SRRM4: variants seen among roughly 807,000 people sequenced by gnomAD.
SRRM4 encodes the protein serine/arginine repetitive matrix protein 4.
SRRM4 carries 33 observed loss-of-function variants against 68.9 expected under a neutral mutation model. The ratio of observed to expected loss-of-function variants is 0.48; its 90% CI spans 0.36 to 0.64. The LOEUF (loss-of-function observed/expected upper bound fraction) is 0.64, where lower values mean the gene tolerates loss of function less well. Among genes scored for constraint, SRRM4 ranks in the 30% least tolerant of loss-of-function variants. The pLI is 0.00. For missense variants in SRRM4, 817 were observed against 827.1 expected (o/e 0.99, Z 0.15); for synonymous variants, 318 against 318.8 (o/e 1.00, Z 0.03).
At chr12:118,984,907 T>C (rs1250325652) in intron 1 of SRRM4, among the ~76,000 whole-genome samples, 4 of 152,216 alleles carry the variant, frequency 2.6e-5, no homozygotes, top group Admixed American at 2.6e-4. Context: ...CTGTGTATCC[T>C]GAACAAATAG....
chr12:118,990,643 C>A (rs2135989100), intron 1 of SRRM4, among the ~76,000 whole-genome samples: 1 of 152,254 alleles, frequency 6.6e-6, no homozygotes, highest in African/African-American at 2.4e-5. Context: ...TAGTAACTGC[C>A]ATTGTTATAA....
chr12:119,016,539 A>G (rs1953482838), intron 1 of SRRM4, among the ~76,000 whole-genome samples: 1 of 152,144 alleles, frequency 6.6e-6, no homozygotes, highest in African/African-American at 2.4e-5. Flanking sequence ...TATGAAAACC[A>G]TATAACATAG....
chr12:119,154,937 G>A lies in SRRM4; in HGVS notation c.1532+554G>A, dbSNP rs567867799. 2.6e-5 allele frequency among the ~76,000 whole-genome samples: 4 copies of A among 152,274 alleles called. No homozygotes were observed. Among genetic ancestry groups the A allele is most frequent in the South Asian group, 2.1e-4 (1 of 4,828 alleles). ...TAGAGGGAGCCACGGTGGATAAGCCGGAGAGCACTGGATGTGGATTGGAAT... is the reference window on the plus strand; with the variant it reads ...TAGAGGGAGCCACGGTGGATAAGCCAGAGAGCACTGGATGTGGATTGGAAT... On this transcript the variant is annotated intron_variant, in intron 12 of 12. Transcript: ENST00000267260. This position sits in a 1 kb window ranked among gnomAD's most constrained non-coding sequence, Gnocchi z 4.7.
rs141211160 is a variant in SRRM4 at position 119,006,823 on chromosome 12, A to G, written c.131+24810A>G. Reference sequence around the variant, plus strand: ...GCAGCTTCTATTGCCTGAAATGCCAATGCTCCTGCTGGAGATGGGCATGGT... The same window carrying G: ...GCAGCTTCTATTGCCTGAAATGCCAGTGCTCCTGCTGGAGATGGGCATGGT... On this transcript the variant is annotated intron_variant, in intron 1 of 12. Transcript: ENST00000267260. Among the ~76,000 whole-genome samples, 39 of 152,336 alleles carry G rather than the reference A, an allele frequency of 2.6e-4. No individual in the cohort carries two copies. The East Asian group carries it at 6.4e-3, about 25-fold the overall frequency.
intron 4 of SRRM4, among the ~76,000 whole-genome samples, chr12:119,119,462 A>C (rs1954203977): frequency 6.6e-6 from 1 of 151,534 alleles, no homozygotes; most frequent in African/African-American, 2.4e-5. Context: ...GGGAGTAGAC[A>C]GGAGGCATCC....
At chr12:119,085,990 A>T (rs1953977603) in intron 1 of SRRM4, among the ~76,000 whole-genome samples, 1 of 152,168 alleles carries the variant, frequency 6.6e-6, no homozygotes, top group Non-Finnish European at 1.5e-5. Context: ...TGGGACTTTC[A>T]TGTGGAGAGG....
At chr12:119,133,470 T>G (rs546659126) in intron 8 of SRRM4, among the ~76,000 whole-genome samples, 1 of 152,302 alleles carries the variant, frequency 6.6e-6, no homozygotes, top group East Asian at 1.9e-4. Flanking sequence ...CCAATTTCTT[T>G]CTATCCTAAA....
chr12:119,122,617 T>C (rs1277627049), intron 6 of SRRM4, among the ~76,000 whole-genome samples: 2 of 152,214 alleles, frequency 1.3e-5, no homozygotes, highest in African/African-American at 4.8e-5. Flanking sequence ...GAACATTGTG[T>C]GGTCTATATT....
chr12:118,999,766 T>A (rs1264704677), intron 1 of SRRM4, among the ~76,000 whole-genome samples: 2 of 152,186 alleles, frequency 1.3e-5, no homozygotes, highest in Non-Finnish European at 2.9e-5. Flanking sequence ...CCCAGTCCCA[T>A]CTGATTCCAG....
At chr12:119,146,943 A>G (rs1357947412) in intron 9 of SRRM4, among the ~76,000 whole-genome samples, 1 of 152,172 alleles carries the variant, frequency 6.6e-6, no homozygotes, top group East Asian at 1.9e-4. Context: ...CTCAAAAAAA[A>G]AAAAGAACAT....
At chr12:119,007,178 G>C (rs1021418551) in intron 1 of SRRM4, among the ~76,000 whole-genome samples, 2 of 152,208 alleles carry the variant, frequency 1.3e-5, no homozygotes, top group African/African-American at 2.4e-5. Flanking sequence ...ACCATCCATT[G>C]CACATGGAGT....
At chr12:119,119,050 A>AT (rs34814921) in intron 4 of SRRM4, among the ~76,000 whole-genome samples, 57,709 of 135,640 alleles carry the variant, frequency 0.43, 12,482 homozygotes, top group Middle Eastern at 0.52. Flanking sequence ...AAGCACTGAG[A>AT]TTTTTTTTTT....
At chr12:118,983,038 A>T (rs376560136) in intron 1 of SRRM4, among the ~76,000 whole-genome samples, 1 of 152,186 alleles carries the variant, frequency 6.6e-6, no homozygotes, top group African/African-American at 2.4e-5. Context: ...CAGGGGGACC[A>T]CTTGGAGGAT....
intron 1 of SRRM4, among the ~76,000 whole-genome samples, chr12:119,082,524 C>T (rs1953955245): frequency 6.6e-6 from 1 of 152,216 alleles, no homozygotes; most frequent in African/African-American, 2.4e-5. Context: ...TATTTTCTTC[C>T]TCAGACTGTT....
intron 1 of SRRM4, among the ~76,000 whole-genome samples, chr12:119,032,874 T>A (rs1038602783): frequency 1.3e-5 from 2 of 152,184 alleles, no homozygotes; most frequent in Admixed American, 1.3e-4. Flanking sequence ...TATGTTTCCC[T>A]GCAAATTGTC....
Position 118,981,758 on chromosome 12 carries a change from TCCCAC to T in SRRM4, c.-116_-112del. On this transcript the variant is annotated 5_prime_UTR_variant, in exon 1 of 13. Transcript: ENST00000267260. Reference sequence around the variant, plus strand: ...ATCCCCCGCCCTGAACTCCGATCTCTCCCACCCCACCCCTCTCTGGGTTTCACCCG... The same window carrying T: ...ATCCCCCGCCCTGAACTCCGATCTCTCCCACCCCTCTCTGGGTTTCACCCG... 1.9e-6 allele frequency: 2 copies of T among 1,038,996 alleles called. No individual in the cohort carries two copies. Among genetic ancestry groups the T allele is most frequent in the Non-Finnish European group, 2.7e-6 (2 of 738,980 alleles). The allele number at this position is 1,038,996 out of a possible 1,614,324, so 64.4% of individuals were successfully genotyped here. A position where few individuals can be genotyped will look rare whatever the true frequency, so the allele number is the denominator to read the frequency against.
At chr12:119,030,207 A>G (rs1234869092) in intron 1 of SRRM4, among the ~76,000 whole-genome samples, 1 of 152,240 alleles carries the variant, frequency 6.6e-6, no homozygotes, top group Non-Finnish European at 1.5e-5. Context: ...AATGTCAGGA[A>G]CCAAGGGATT....
intron 1 of SRRM4, among the ~76,000 whole-genome samples, chr12:118,998,466 T>A (rs980199130): frequency 3.9e-5 from 6 of 152,134 alleles, no homozygotes; most frequent in African/African-American, 1.4e-4. Context: ...GCATACTATG[T>A]ATTTATCTTT....
chr12:119,119,910 C>T (rs913826395), intron 4 of SRRM4, among the ~76,000 whole-genome samples: 5 of 152,022 alleles, frequency 3.3e-5, no homozygotes, highest in East Asian at 1.9e-4. Context: ...ATTGGAGCAC[C>T]GGTAGGCTTT....
Sources: gnomAD v4.1 joint callset for allele counts (sites outside exome capture counted in the v4.1 genomes callset) on GRCh38, gnomAD v4.1.1 for gene constraint, Gnocchi (gnomAD v3.1) non-coding constraint, MANE v1.5 for transcripts, NCBI Gene and HGNC (gene_info 2026-07-23, HGNC 2026-07-21) for gene names.